Variants in RBMS3 observed in about 807,000 individuals in gnomAD.
RBMS3 encodes the protein RNA binding motif single stranded interacting protein 3, also known as RNA-binding motif, single-stranded-interacting protein 3.
In RBMS3, 27 loss-of-function variants were observed where a neutral mutation model predicts 66.8. The ratio of observed to expected loss-of-function variants is 0.40; its 90% CI spans 0.30 to 0.56. The LOEUF is 0.56. RBMS3 is among the 20% of genes least tolerant of loss of function. RBMS3 has a pLI of 0.40. For missense variants in RBMS3, 513 were observed against 549.5 expected (o/e 0.93, Z 0.66); for synonymous variants, 188 against 183.0 (o/e 1.03, Z -0.22).
chr3:29,483,772 A>G (rs2043226466), intron 2 of RBMS3, among the ~76,000 whole-genome samples: 1 of 152,240 alleles, frequency 6.6e-6, no homozygotes, highest in East Asian at 1.9e-4. Context: ...TTCCTCATTG[A>G]CAAAATATTG....
intron 3 of RBMS3, among the ~76,000 whole-genome samples, chr3:29,561,278 C>G (rs1166951581): frequency 6.6e-6 from 1 of 152,078 alleles, no homozygotes; most frequent in Non-Finnish European, 1.5e-5. Flanking sequence ...TGGGTCTAAT[C>G]CCTTTAGACC....
At chr3:29,780,670 CT>C (rs2056600661) in intron 6 of RBMS3, among the ~76,000 whole-genome samples, 1 of 152,090 alleles carries the variant, frequency 6.6e-6, no homozygotes, top group African/African-American at 2.4e-5. Flanking sequence ...TTAATCTATT[CT>C]TTTCACATTC....
chr3:29,488,977 T>C (rs1346659272), intron 3 of RBMS3, among the ~76,000 whole-genome samples: 1 of 152,238 alleles, frequency 6.6e-6, no homozygotes, highest in Non-Finnish European at 1.5e-5. Context: ...TCAGAGTTGG[T>C]ATCTTATTAA....
chr3:29,909,186 A>G (rs2060458509), intron 10 of RBMS3, among the ~76,000 whole-genome samples: 1 of 152,160 alleles, frequency 6.6e-6, no homozygotes, highest in Non-Finnish European at 1.5e-5. Flanking sequence ...ATTGCTACGT[A>G]TTGAAGTACA....
chr3:29,794,454 C>T (rs910071657), intron 6 of RBMS3, among the ~76,000 whole-genome samples: 19 of 151,964 alleles, frequency 1.3e-4, no homozygotes, highest in African/African-American at 2.9e-4. Flanking sequence ...GGCATGGTGG[C>T]GGGCGCCTGT....
chr3:29,576,809 T>A (rs1299785877), intron 3 of RBMS3, among the ~76,000 whole-genome samples: 2 of 152,126 alleles, frequency 1.3e-5, no homozygotes, highest in Non-Finnish European at 2.9e-5. Flanking sequence ...CATGTTCCCT[T>A]AAAGCCCAGT....
chr3:29,491,899 A>G (rs994765520), intron 3 of RBMS3, among the ~76,000 whole-genome samples: 5 of 152,124 alleles, frequency 3.3e-5, no homozygotes, highest in Non-Finnish European at 7.4e-5. Context: ...AGGCTGAGGC[A>G]GGAGAATGGC....
At chr3:29,929,714 A>C (rs141507888) in intron 10 of RBMS3, among the ~76,000 whole-genome samples, 2 of 152,308 alleles carry the variant, frequency 1.3e-5, no homozygotes, top group Admixed American at 1.3e-4. Flanking sequence ...GTTATTGGGA[A>C]ATCTATGTAC....
chr3:29,364,560 A>G (rs2037788744), intron 1 of RBMS3, among the ~76,000 whole-genome samples: 1 of 152,178 alleles, frequency 6.6e-6, no homozygotes, highest in Non-Finnish European at 1.5e-5. Flanking sequence ...ATATGAAGGT[A>G]ACTAGCAGCA....
At chr3:29,433,256 A>G (rs1018468833) in intron 1 of RBMS3, among the ~76,000 whole-genome samples, 5 of 152,126 alleles carry the variant, frequency 3.3e-5, no homozygotes, top group Admixed American at 2.0e-4. Context: ...TGTGCCAAAA[A>G]TGTGCTGTTT....
At chr3:29,846,036 GA>G (rs942573438) in intron 6 of RBMS3, among the ~76,000 whole-genome samples, 32 of 151,918 alleles carry the variant, frequency 2.1e-4, no homozygotes, top group African/African-American at 7.5e-4. Context: ...AGACTGTAAA[GA>G]TAAGTAGTGA....
intron 4 of RBMS3, among the ~76,000 whole-genome samples, chr3:29,639,744 G>A (rs888114418): frequency 1.3e-5 from 2 of 151,810 alleles, no homozygotes; most frequent in African/African-American, 4.8e-5. Flanking sequence ...ATCTGCCTGA[G>A]AGAAGGATGA....
At chr3:29,317,942 C>T (rs2034785888) in intron 1 of RBMS3, among the ~76,000 whole-genome samples, 1 of 151,804 alleles carries the variant, frequency 6.6e-6, no homozygotes, top group African/African-American at 2.4e-5. Context: ...AGTTGAACTT[C>T]AGTGATGAAT....
intron 4 of RBMS3, 91 bp downstream of exon 4, chr3:29,587,296 T>C: frequency 1.5e-6 from 1 of 648,330 alleles, no homozygotes; most frequent in Non-Finnish European, 2.3e-6. Flanking sequence ...GAGAGAGAGA[T>C]CAGGAGGAAG....
intron 1 of RBMS3, among the ~76,000 whole-genome samples, chr3:29,288,910 T>A (rs1437963865): frequency 1.3e-5 from 2 of 151,994 alleles, no homozygotes; most frequent in Non-Finnish European, 2.9e-5. Context: ...CATTATCTTT[T>A]CTACTTTTTC....
At chr3:29,906,729 C>G (rs917164449) in intron 10 of RBMS3, among the ~76,000 whole-genome samples, 1 of 151,904 alleles carries the variant, frequency 6.6e-6, no homozygotes, top group African/African-American at 2.4e-5. Flanking sequence ...TACCCATTTC[C>G]TCTTACCCAA....
At chr3:29,852,958 A>C (rs2058972986) in intron 6 of RBMS3, among the ~76,000 whole-genome samples, 1 of 152,250 alleles carries the variant, frequency 6.6e-6, no homozygotes, top group African/African-American at 2.4e-5. Flanking sequence ...GTACAGATAC[A>C]TCATGGAATA....
intron 10 of RBMS3, 58 bp downstream of exon 10, chr3:29,899,813 G>T: frequency 6.6e-7 from 1 of 1,521,538 alleles, no homozygotes. Context: ...CAAGCTTTTG[G>T]AATGCATAGA....
chr3:29,820,212 A>T (rs1159911114), intron 6 of RBMS3, among the ~76,000 whole-genome samples: 1 of 34,534 alleles, frequency 2.9e-5, no homozygotes, highest in African/African-American at 1.1e-4. Flanking sequence ...AAAAAAAAAA[A>T]AAAAAAAAAA....
Sources: allele counts gnomAD v4.1 joint callset (sites outside exome capture counted in the v4.1 genomes callset), GRCh38; gene constraint gnomAD v4.1.1; transcripts MANE v1.5; gene names NCBI Gene and HGNC (gene_info 2026-07-23, HGNC 2026-07-21).